ATE1: variants seen among roughly 807,000 people sequenced by gnomAD.
The protein encoded by ATE1 is arginyl-tRNA--protein transferase 1.
A neutral mutation model predicts 70.5 loss-of-function variants in ATE1; 36 were observed. The observed-to-expected ratio is 0.51, with a 90% CI of 0.39 to 0.67. The LOEUF is 0.67. Among genes scored for constraint, ATE1 ranks in the 30% least tolerant of loss-of-function variants. The pLI, the probability that ATE1 is intolerant of heterozygous loss-of-function variation, is 0.00. For missense variants in ATE1, 593 were observed against 629.5 expected (o/e 0.94, Z 0.62); for synonymous variants, 232 against 219.3 (o/e 1.06, Z -0.51).
At chr10:121,790,430 C>T in intron 10 of ATE1, 141 bp from the exon 11 acceptor site, 4 of 1,075,708 alleles carry the variant, frequency 3.7e-6, no homozygotes, top group Non-Finnish European at 3.8e-6. Flanking sequence ...ACTAAGCAAC[C>T]CTGTAGCTGA....
intron 6 of ATE1, among the ~76,000 whole-genome samples, chr10:121,900,909 C>G (rs1453749685): frequency 6.6e-6 from 1 of 152,150 alleles, no homozygotes; most frequent in Non-Finnish European, 1.5e-5. Context: ...GTATTCAACT[C>G]TGTTTACAAT....
At chr10:121,887,503 T>C (rs1010030822) in intron 7 of ATE1, among the ~76,000 whole-genome samples, 1 of 150,664 alleles carries the variant, frequency 6.6e-6, no homozygotes, top group East Asian at 2.0e-4. Context: ...TGATGCCAGG[T>C]GACCAGCCTG....
chr10:121,927,630 A>T (rs979251402), intron 1 of ATE1: 25 of 949,992 alleles, frequency 2.6e-5, no homozygotes, highest in Non-Finnish European at 3.0e-5. Flanking sequence ...CACGATTTCG[A>T]GAGTACGGGC....
intron 7 of ATE1, among the ~76,000 whole-genome samples, chr10:121,881,059 A>G (rs761287675): frequency 3.3e-5 from 5 of 152,224 alleles, no homozygotes; most frequent in Non-Finnish European, 1.5e-5. Flanking sequence ...TTTACTTATT[A>G]TAGTAGAACA....
intron 5 of ATE1, among the ~76,000 whole-genome samples, chr10:121,905,645 C>A (rs1007489745): frequency 2.6e-5 from 4 of 152,038 alleles, no homozygotes; most frequent in Non-Finnish European, 5.9e-5. Flanking sequence ...AGTTTTGAGA[C>A]CAACCTGGCC....
chr10:121,750,154 T>C (rs1184368845), intron 11 of ATE1, among the ~76,000 whole-genome samples: 1 of 152,192 alleles, frequency 6.6e-6, no homozygotes, highest in Non-Finnish European at 1.5e-5. Context: ...TTTATAATCA[T>C]CTTTTCTTGC....
At chr10:121,815,175 G>A (rs1038083390) in intron 10 of ATE1, among the ~76,000 whole-genome samples, 1 of 152,178 alleles carries the variant, frequency 6.6e-6, no homozygotes, top group African/African-American at 2.4e-5. Flanking sequence ...TCTCGCTGTC[G>A]CCCAGGCTGG....
At chr10:121,838,917 TATTG>T (rs1489338757) in intron 9 of ATE1, among the ~76,000 whole-genome samples, 1 of 152,184 alleles carries the variant, frequency 6.6e-6, no homozygotes, top group African/African-American at 2.4e-5. Flanking sequence ...CATAAAACTA[TATTG>T]ATTGTTGGAT....
intron 8 of ATE1, among the ~76,000 whole-genome samples, chr10:121,868,338 A>G (rs2134006913): frequency 6.6e-6 from 1 of 152,324 alleles, no homozygotes; most frequent in East Asian, 1.9e-4. Context: ...CTTTCATCAT[A>G]CTTTATCCAA....
intron 10 of ATE1, among the ~76,000 whole-genome samples, chr10:121,809,249 T>C (rs946244819): frequency 6.6e-6 from 1 of 152,186 alleles, no homozygotes; most frequent in African/African-American, 2.4e-5. Flanking sequence ...ACATTCGTTT[T>C]GAGAAAATGT....
chr10:121,792,500 C>T (rs1401403406), intron 10 of ATE1, among the ~76,000 whole-genome samples: 1 of 152,176 alleles, frequency 6.6e-6, no homozygotes, highest in East Asian at 1.9e-4. Flanking sequence ...TGCCTCACTG[C>T]CCTACAGCAG....
At chr10:121,758,074 T>C (rs1944880479) in intron 11 of ATE1, among the ~76,000 whole-genome samples, 1 of 152,220 alleles carries the variant, frequency 6.6e-6, no homozygotes, top group East Asian at 1.9e-4. Context: ...TTAAATAGGA[T>C]AGAGTCCTGA....
At chr10:121,835,031 A>T (rs1163663407) in intron 10 of ATE1, among the ~76,000 whole-genome samples, 1 of 152,208 alleles carries the variant, frequency 6.6e-6, no homozygotes, top group African/African-American at 2.4e-5. Context: ...GATGAAAATG[A>T]GCCAGAAGGA....
chr10:121,842,242 T>C (rs999511720), intron 8 of ATE1, among the ~76,000 whole-genome samples: 6 of 152,210 alleles, frequency 3.9e-5, no homozygotes, highest in African/African-American at 7.2e-5. Flanking sequence ...TTCCTGTAAA[T>C]ATAGCTAGTT....
chr10:121,783,098 C>A (rs11200147), intron 11 of ATE1, among the ~76,000 whole-genome samples: 25,742 of 152,136 alleles, frequency 0.17, 2,864 homozygotes, highest in Middle Eastern at 0.27. Context: ...TTTTTACACT[C>A]CTCTCAGCTC....
At chr10:121,844,578 G>T (rs573743382) in intron 8 of ATE1, among the ~76,000 whole-genome samples, 1 of 152,172 alleles carries the variant, frequency 6.6e-6, no homozygotes, top group South Asian at 2.1e-4. Context: ...CATTCCTAGG[G>T]ATTCATCCAA....
Position 121,911,113 on chromosome 10 carries a change from C to T in ATE1, c.376G>A (p.Gly126Ser). The T allele has an allele frequency of 3.1e-6, 5 of 1,610,096 alleles. No homozygotes were observed. The highest frequency in any genetic ancestry group is 4.2e-6 in the Non-Finnish European group (5 of 1,179,312). Residue 126 changes from glycine (G) to serine (S), a missense_variant, in exon 5 of 12, where the codon GGT (glycine) becomes AGT (serine). By Grantham distance (56) the Gly-to-Ser change is moderately conservative (BLOSUM62 0). This residue lies in a region of ATE1 where 467 missense variants were observed against 469.6 expected (regional missense o/e 0.99). Coordinates refer to ENST00000224652, the MANE Select transcript of ATE1 (RefSeq NM_001001976.3). ...AGTTTATTTATCAATGCAAAGTCACCCGCAACAGCATCATCCATTGTGGAA... is the reference window on the plus strand; with the variant it reads ...AGTTTATTTATCAATGCAAAGTCACTCGCAACAGCATCATCCATTGTGGAA... ...MDSTMDDAVAGDFALINKLDI... is the reference protein window; with the variant it reads ...MDSTMDDAVASDFALINKLDI...
At chr10:121,857,231 G>C (rs1180325080) in intron 8 of ATE1, among the ~76,000 whole-genome samples, 1 of 152,152 alleles carries the variant, frequency 6.6e-6, no homozygotes, top group East Asian at 1.9e-4. Context: ...GTTAAGCCTA[G>C]TACCCAACAG....
intron 10 of ATE1, among the ~76,000 whole-genome samples, chr10:121,827,289 G>C (rs1486688016): frequency 6.6e-6 from 1 of 152,170 alleles, no homozygotes; most frequent in Non-Finnish European, 1.5e-5. Context: ...TGGAATTACA[G>C]GCATGAGCCA....
Sources: allele counts gnomAD v4.1 joint callset (sites outside exome capture counted in the v4.1 genomes callset), GRCh38; gene constraint gnomAD v4.1.1; regional missense constraint gnomAD v4.1.1; transcripts MANE v1.5; gene names NCBI Gene and HGNC (gene_info 2026-07-23, HGNC 2026-07-21).